NKAP: variants seen among roughly 807,000 people sequenced by gnomAD.
The protein encoded by NKAP is NF-kappa-B-activating protein.
NKAP carries 4 observed loss-of-function variants against 35.6 expected under a neutral mutation model. The observed-to-expected ratio is 0.11, with a 90% CI of 0.06 to 0.26. The LOEUF (loss-of-function observed/expected upper bound fraction) is 0.26, where lower values mean the gene tolerates loss of function less well. NKAP is among the 10% of genes least tolerant of loss of function. The probability of loss-of-function intolerance (pLI) is 1.00; values close to 1 mark genes in which losing one functional copy is unlikely to be tolerated. For synonymous variants in NKAP, 106 were observed against 119.2 expected (o/e 0.89, Z 0.72); for missense variants, 238 against 321.9 (o/e 0.74, Z 1.99).
intron 7 of NKAP, among the ~76,000 whole-genome samples, 165 bp from the exon 8 acceptor site, chrX:119,930,330 A>T: frequency 8.9e-6 from 1 of 112,765 alleles, no homozygotes; most frequent in Non-Finnish European, 1.9e-5. Flanking sequence ...GAATTGCTTT[A>T]TCCTAATTAG....
At position 119,943,409 on chromosome X, in the gene NKAP, C is replaced by G; in HGVS notation, c.197G>C (p.Gly66Ala). The change falls in exon 1 of 9, where the codon GGC becomes GCC. Residue 66 changes from glycine (G) to alanine (A), a missense_variant. Coordinates refer to ENST00000371410, the MANE Select transcript of NKAP (RefSeq NM_024528.4). ...LTHQLGGLSQ[G>A]SRNQSYRSRS... ...TGAGCGGTAGGACTGGTTTCGGGAG[C>G]CTTGGCTGAGGCCACCCAGCTGATG... 8.3e-7 allele frequency: 1 copy of G among 1,210,545 alleles called. No individual in the cohort carries two copies. The highest frequency in any genetic ancestry group is 1.1e-6 in the Non-Finnish European group (1 of 894,585).
intron 7 of NKAP, 131 bp from the exon 8 acceptor site, chrX:119,930,296 G>A (rs1373742998): frequency 6.6e-6 from 4 of 609,604 alleles, no homozygotes; most frequent in Non-Finnish European, 4.8e-6. Context: ...GTGCTCAGCA[G>A]TAGTGTGCTA....
intron 1 of NKAP, among the ~76,000 whole-genome samples, chrX:119,939,478 G>A (rs1465625775): frequency 2.7e-5 from 3 of 110,835 alleles, no homozygotes; most frequent in East Asian, 5.8e-4. Flanking sequence ...GTAGAGATGG[G>A]GTTTCATCGT....
chrX:119,938,696 T>C, intron 2 of NKAP, 34 bp downstream of exon 2: 2 of 995,500 alleles, frequency 2.0e-6, no homozygotes, highest in Non-Finnish European at 1.4e-6. Flanking sequence ...ACACATATTA[T>C]AACATTTTAA....
intron 8 of NKAP, among the ~76,000 whole-genome samples, chrX:119,928,339 T>C (rs1569471471): frequency 1.8e-5 from 2 of 112,402 alleles, no homozygotes; most frequent in African/African-American, 3.2e-5. Context: ...TTAAGATTTA[T>C]TCTGAAGTCC....
intron 4 of NKAP, among the ~76,000 whole-genome samples, chrX:119,936,055 T>C (rs2087239864): frequency 8.9e-6 from 1 of 111,739 alleles, no homozygotes; most frequent in African/African-American, 3.2e-5. Context: ...ACCTTAGGGA[T>C]AGTACTTATA....
At chrX:119,934,316 C>CCAGCTACT (rs1233796146) in intron 5 of NKAP, among the ~76,000 whole-genome samples, 178 bp downstream of exon 5, 3 of 103,604 alleles carry the variant, frequency 2.9e-5, no homozygotes, top group Non-Finnish European at 5.9e-5. Context: ...GCCTATAATC[C>CCAGCTACT]CAGCTACTCG....
intron 1 of NKAP, among the ~76,000 whole-genome samples, chrX:119,942,191 G>A (rs1209153194): frequency 9.0e-6 from 1 of 111,412 alleles, no homozygotes; most frequent in East Asian, 2.8e-4. Flanking sequence ...GGACAGGCTC[G>A]GCAGGGCATG....
At position 119,936,596 on chromosome X, in the gene NKAP, C is replaced by CT. The variant is rs778665501; in HGVS notation, c.538+15dup. 79 of 1,125,091 alleles carry CT rather than the reference C, an allele frequency of 7.0e-5. No individual in the cohort carries two copies. The highest frequency in any genetic ancestry group is 3.0e-4 in the Middle Eastern group (1 of 3,345). The allele number at this position is 1,125,091 out of a possible 1,213,427, so 92.7% of individuals were successfully genotyped here. On this transcript the variant is annotated intron_variant, in intron 3 of 8. Coordinates refer to ENST00000371410, the MANE Select transcript of NKAP (RefSeq NM_024528.4). The stretch of plus-strand genomic sequence containing the variant: ...AAATAGCTTGTATTTTAAAAATACC[C>CT]TTTTTTTAAAAATACCTTCTGAAGT...
At chrX:119,926,264 T>C (rs1257526189) in intron 8 of NKAP, among the ~76,000 whole-genome samples, 1 of 109,264 alleles carries the variant, frequency 9.2e-6, no homozygotes, top group Non-Finnish European at 1.9e-5. Flanking sequence ...CCTATCCTTT[T>C]TTCTTTTCTC....
At chrX:119,942,134 G>A (rs1048261405) in intron 1 of NKAP, among the ~76,000 whole-genome samples, 7 of 111,721 alleles carry the variant, frequency 6.3e-5, no homozygotes, top group Non-Finnish European at 1.3e-4. Context: ...GATGTCTTGA[G>A]TCTTTTTCTT....
At chrX:119,933,757 G>A (rs973291420) in intron 5 of NKAP, among the ~76,000 whole-genome samples, 21 of 110,288 alleles carry the variant, frequency 1.9e-4, no homozygotes, top group African/African-American at 5.9e-4. Flanking sequence ...GGGCTCAAGC[G>A]ATCCTCCTGC....
At chrX:119,925,624 C>T (rs575333951) in intron 8 of NKAP, among the ~76,000 whole-genome samples, 25 of 110,071 alleles carry the variant, frequency 2.3e-4, no homozygotes, top group East Asian at 1.1e-3. Context: ...TGCAGTGGCA[C>T]GATCTCGGCT....
chrX:119,925,184 G>A lies in NKAP; in HGVS notation c.*36C>T, dbSNP rs1161543197. On this transcript the variant is annotated 3_prime_UTR_variant, in exon 9 of 9. Transcript: ENST00000371410. ...GTGTGGAACCCAGACTTTCTTTTTT[G>A]TTGTTAAAAATGTCTTCTGGACAAT... is the stretch of plus-strand genomic sequence containing the variant. The A allele has an allele frequency of 2.5e-6, 3 of 1,182,045 alleles. No homozygotes were observed. The highest frequency in any genetic ancestry group is 2.5e-5 in the Admixed American group (1 of 40,455).
intron 4 of NKAP, 72 bp downstream of exon 4, chrX:119,936,225 C>A: frequency 9.0e-7 from 1 of 1,108,055 alleles, no homozygotes; most frequent in Admixed American, 2.8e-5. Flanking sequence ...CAGGAACCTT[C>A]TTCTAAAATA....
intron 1 of NKAP, among the ~76,000 whole-genome samples, chrX:119,940,374 CTA>C (rs1236499498): frequency 1.2e-5 from 1 of 86,400 alleles, no homozygotes; most frequent in African/African-American, 4.4e-5. Flanking sequence ...AAAAAAAAAA[CTA>C]TACTCAATGA....
chrX:119,936,283 GT>G lies in NKAP; in HGVS notation c.673+13del. 1 of 1,201,646 alleles carries G rather than the reference GT, an allele frequency of 8.3e-7. No homozygotes were observed. ...TTTGAAGCAAGGCTTGCAGAATGCT[GT>G]TGGCGTTCTTACCACTGGAGTCTGT... On this transcript the variant is annotated intron_variant, in intron 4 of 8. Coordinates refer to ENST00000371410, the MANE Select transcript of NKAP (RefSeq NM_024528.4).
At chrX:119,928,306 C>T (rs182224254) in intron 8 of NKAP, among the ~76,000 whole-genome samples, 93 of 112,259 alleles carry the variant, frequency 8.3e-4, no homozygotes, top group African/African-American at 2.6e-3. Flanking sequence ...TAGTTTTCCT[C>T]ACAGAGCCCT....
At chrX:119,940,073 C>T (rs1036585768) in intron 1 of NKAP, among the ~76,000 whole-genome samples, 3 of 108,577 alleles carry the variant, frequency 2.8e-5, no homozygotes, top group East Asian at 3.1e-4. Context: ...TGGTGGCTCA[C>T]GCCTGTAATC....
Sources: gnomAD v4.1 joint callset for allele counts (sites outside exome capture counted in the v4.1 genomes callset) on GRCh38, gnomAD v4.1.1 for gene constraint, MANE v1.5 for transcripts, NCBI Gene and HGNC (gene_info 2026-07-23, HGNC 2026-07-21) for gene names.